Variants in RRM2 observed in about 807,000 individuals in gnomAD.
The protein encoded by RRM2 is ribonucleotide reductase regulatory subunit M2, also known as ribonucleoside-diphosphate reductase subunit M2.
RRM2 carries 6 observed loss-of-function variants against 45.9 expected under a neutral mutation model. The observed-to-expected ratio is 0.13, with a 90% CI of 0.07 to 0.26. The LOEUF (loss-of-function observed/expected upper bound fraction) is 0.26, where lower values mean the gene tolerates loss of function less well. Among genes scored for constraint, RRM2 ranks in the 10% least tolerant of loss-of-function variants. The probability of loss-of-function intolerance (pLI) is 1.00; values close to 1 mark genes in which losing one functional copy is unlikely to be tolerated. For missense variants in RRM2, 343 were observed against 489.5 expected, an observed-to-expected ratio of 0.70 and a Z score of 2.82; for synonymous variants, 177 against 173.0, an observed-to-expected ratio of 1.02 and a Z score of -0.18.
At chr2:10,155,032 T>C (rs1409144830) in intron 3 of RRM2, 2 of 177,938 alleles carry the variant, frequency 1.1e-5, no homozygotes, top group Non-Finnish European at 2.4e-5. Context: ...CATAGTTAAA[T>C]TGCTCTGTAA....
At chr2:10,174,219 C>A (rs1304113722) in intron 3 of RRM2, among the ~76,000 whole-genome samples, 1 of 152,238 alleles carries the variant, frequency 6.6e-6, no homozygotes, top group African/African-American at 2.4e-5. Context: ...TGACCTTGGA[C>A]TTCTAGTCCC....
chr2:10,184,685 G>A (rs7581117), intron 3 of RRM2, among the ~76,000 whole-genome samples: 1 of 152,080 alleles, frequency 6.6e-6, no homozygotes, highest in African/African-American at 2.4e-5. Context: ...GAGACATGAG[G>A]TCTCTCGGTC....
At position 10,172,515 on chromosome 2, in the gene RRM2, G is replaced by A. The variant is rs569074669; in HGVS notation, n.482+30140G>A. 6.6e-6 allele frequency among the ~76,000 whole-genome samples: 1 copy of A among 152,070 alleles called. No homozygotes were observed. Among genetic ancestry groups the A allele is most frequent in the Non-Finnish European group, 1.5e-5 (1 of 68,004 alleles). On this transcript the variant is annotated intron_variant and non_coding_transcript_variant, in intron 3 of 3. Coordinates refer to the RRM2 transcript ENST00000381786. This position sits in a 1 kb window ranked among gnomAD's most constrained non-coding sequence, Gnocchi z 4.9. Reference sequence around the variant, plus strand: ...AATTTTGTGAGCAGAATGCTCCTGGGGCCAATAGATTTTTCCAGTAATGAA... The same window carrying A: ...AATTTTGTGAGCAGAATGCTCCTGGAGCCAATAGATTTTTCCAGTAATGAA...
chr2:10,200,559 GCGCAAAATATGAGGCC>G (rs1664539131), intron 3 of RRM2, among the ~76,000 whole-genome samples: 1 of 5,542 alleles, frequency 1.8e-4, no homozygotes. Context: ...GGGACCGCGC[GCGCAAAATATGAGGCC>G]CACAGGGACC....
chr2:10,154,476 G>A (rs1206337861), intron 3 of RRM2, among the ~76,000 whole-genome samples: 12 of 144,724 alleles, frequency 8.3e-5, no homozygotes, highest in Admixed American at 3.5e-4. Flanking sequence ...CTCCAGCCTG[G>A]GTGACAGAGC....
chr2:10,180,841 A>C (rs1664030470), intron 3 of RRM2, among the ~76,000 whole-genome samples: 1 of 152,100 alleles, frequency 6.6e-6, no homozygotes, highest in Admixed American at 6.6e-5. Context: ...ATTATGGCTC[A>C]CTGCAACCTC....
At chr2:10,200,632 G>A (rs1572535127) in intron 3 of RRM2, among the ~76,000 whole-genome samples, 1 of 96,506 alleles carries the variant, frequency 1.0e-5, no homozygotes, top group African/African-American at 3.8e-5. Context: ...CGCAAAATAT[G>A]AGGCCCACAG....
Position 10,127,093 on chromosome 2 carries a change from G to A in RRM2, c.671G>A (p.Arg224His), listed in dbSNP as rs753054700. 4 of 1,614,224 alleles carry A rather than the reference G, an allele frequency of 2.5e-6. No homozygotes were observed. Among genetic ancestry groups the A allele is most frequent in the Admixed American group, 1.7e-5 (1 of 60,032 alleles). The change falls in exon 7 of 10, where the codon CGT becomes CAT. Residue 224 changes from arginine (R) to histidine (H), a missense_variant. Physicochemically the swap from Arg to His is conservative, Grantham distance 29. Around this residue, in one of 2 missense-constraint regions of RRM2, gnomAD observed 212 missense variants for 368.1 expected, o/e 0.58. Transcript: ENST00000304567. The surrounding 1 kb of genome is among the most constrained non-coding windows in gnomAD (Gnocchi z 4.1). ...IGDKEATYGE[R>H]VVAFAAVEGI... ...GGTGTTAACTCCTAAATAGGTGAAC[G>A]TGTTGTAGCCTTTGCTGCAGTGGAA...
chr2:10,127,060 A>G lies in RRM2; in HGVS notation c.665-27A>G. On this transcript the variant is annotated intron_variant, in intron 6 of 9. Transcript: ENST00000304567. This position sits in a 1 kb window ranked among gnomAD's most constrained non-coding sequence, Gnocchi z 4.1. ...GGCCCTTGAATACCAACTCACTAGA[A>G]TCATGTTGGTGTTAACTCCTAAATA... is the stretch of plus-strand genomic sequence containing the variant. 6.2e-7 allele frequency: 1 copy of G among 1,613,058 alleles called. No individual in the cohort carries two copies. Among genetic ancestry groups the G allele is most frequent in the South Asian group, 1.1e-5 (1 of 91,062 alleles).
intron 3 of RRM2, among the ~76,000 whole-genome samples, chr2:10,152,807 T>A (rs1663340886): frequency 1.3e-5 from 2 of 152,012 alleles, no homozygotes; most frequent in African/African-American, 4.8e-5. Flanking sequence ...TTAAGAAATC[T>A]TTCCCTGTGG....
At chr2:10,135,006 G>A (rs1210777832), downstream of RRM2, among the ~76,000 whole-genome samples, 1 of 152,178 alleles carries the variant, frequency 6.6e-6, no homozygotes, top group Non-Finnish European at 1.5e-5. Flanking sequence ...TTAAACGAAT[G>A]TTTCAACGTA....
intron 3 of RRM2, among the ~76,000 whole-genome samples, chr2:10,166,367 C>G (rs562676872): frequency 6.6e-6 from 1 of 152,232 alleles, no homozygotes. Context: ...GCTCGCACCC[C>G]AGGTTCCTGG....
chr2:10,209,029 G>GTTTC (rs56795856), intron 3 of RRM2, among the ~76,000 whole-genome samples: 3,696 of 135,934 alleles, frequency 0.027, 135 homozygotes, highest in African/African-American at 0.074. Context: ...GCAGAAAGTG[G>GTTTC]TTTCTTTCTT....
In RRM2 at chr2:10,168,222, C is replaced by T. The variant is rs779306985; in HGVS notation, n.482+25847C>T. On this transcript the variant is annotated intron_variant and non_coding_transcript_variant, in intron 3 of 3. Transcript: ENST00000381786. ...CAACCTCTCTCCCCAACTGCAGAAT[C>T]GCATCACAGTGGGTCCTATACCTAA... Among the ~76,000 whole-genome samples, 5 of 152,036 alleles carry T rather than the reference C, an allele frequency of 3.3e-5. No individual in the cohort carries two copies. In the South Asian group the frequency reaches 8.3e-4, roughly 25 times the overall value.
upstream of RRM2, among the ~76,000 whole-genome samples, chr2:10,141,190 TGA>T: frequency 6.6e-6 from 1 of 152,292 alleles, no homozygotes; most frequent in South Asian, 2.1e-4. Context: ...GGGGCCATTC[TGA>T]GTTCAGAAAC....
intron 1 of RRM2, chr2:10,141,777 C>CT: frequency 7.2e-7 from 1 of 1,390,844 alleles, no homozygotes; most frequent in South Asian, 1.3e-5. Flanking sequence ...GTGGCCATGG[C>CT]CTGGGGCTGG....
downstream of RRM2, among the ~76,000 whole-genome samples, chr2:10,131,706 T>C (rs1414180866): frequency 2.0e-5 from 3 of 152,158 alleles, no homozygotes; most frequent in Non-Finnish European, 2.9e-5. Flanking sequence ...ACCGCTGCAC[T>C]CCAGCCTGGG....
At chr2:10,183,347 G>C (rs899525267) in intron 3 of RRM2, among the ~76,000 whole-genome samples, 2 of 152,204 alleles carry the variant, frequency 1.3e-5, no homozygotes. Flanking sequence ...TGTGGGACTG[G>C]GCTCCGAGCC....
intron 3 of RRM2, among the ~76,000 whole-genome samples, chr2:10,173,774 C>G (rs543166055): frequency 6.6e-6 from 1 of 152,356 alleles, no homozygotes; most frequent in East Asian, 1.9e-4. Context: ...TTGGAGAGAA[C>G]GAGGGCCTGC....
Sources: allele counts gnomAD v4.1 joint callset (sites outside exome capture counted in the v4.1 genomes callset), GRCh38; gene constraint gnomAD v4.1.1; regional missense constraint gnomAD v4.1.1; non-coding constraint Gnocchi (gnomAD v3.1); transcripts MANE v1.5; gene names NCBI Gene and HGNC (gene_info 2026-07-23, HGNC 2026-07-21).